Variants in PASD1 observed in about 807,000 individuals in gnomAD.
The protein encoded by PASD1 is circadian clock protein PASD1.
A neutral mutation model predicts 58.8 loss-of-function variants in PASD1; 13 were observed. The observed-to-expected ratio is 0.22, with a 90% CI of 0.14 to 0.35. The LOEUF (loss-of-function observed/expected upper bound fraction) is 0.35. PASD1 is among the 10% of genes least tolerant of loss of function. PASD1 has a pLI of 1.00. For missense variants in PASD1, 734 were observed against 568.3 expected, an observed-to-expected ratio of 1.29 and a Z score of -2.96; for synonymous variants, 236 against 216.7, an observed-to-expected ratio of 1.09 and a Z score of -0.78.
At chrX:151,601,426 A>G (rs1399889799) in intron 1 of PASD1, 101 bp from the exon 2 acceptor site, 1 of 567,126 alleles carries the variant, frequency 1.8e-6, no homozygotes, top group African/African-American at 2.3e-5. Context: ...TCCTTGAGGG[A>G]AAAGTGTTAC....
chrX:151,608,495 A>G, intron 3 of PASD1, among the ~76,000 whole-genome samples: 1 of 112,004 alleles, frequency 8.9e-6, no homozygotes. Context: ...CCTTTTCACA[A>G]TTTAAGGTGA....
intron 11 of PASD1, among the ~76,000 whole-genome samples, chrX:151,667,378 T>C (rs1299389269): frequency 9.0e-6 from 1 of 111,569 alleles, no homozygotes; most frequent in Non-Finnish European, 1.9e-5. Flanking sequence ...AGAAGCTCTT[T>C]AGTTTAATTA....
chrX:151,658,589 T>C (rs950259441), intron 9 of PASD1, among the ~76,000 whole-genome samples: 1 of 112,155 alleles, frequency 8.9e-6, no homozygotes, highest in Admixed American at 9.4e-5. Flanking sequence ...TGAATACCGA[T>C]TCACCATAAT....
At chrX:151,658,993 T>C (rs775504043) in intron 9 of PASD1, among the ~76,000 whole-genome samples, 1 of 111,755 alleles carries the variant, frequency 8.9e-6, no homozygotes, top group East Asian at 2.8e-4. Flanking sequence ...AAAAAGAGCA[T>C]TGGGTTTGGA....
At position 151,671,186 on chromosome X, in the gene PASD1, A is replaced by T; in HGVS notation, c.1220A>T (p.Asp407Val). Residue 407 changes from aspartate to valine, a missense_variant, in exon 12 of 16, where the codon GAT becomes GTT. Transcript: ENST00000370357. ...NQQNALELMMDHLQKQPNTLR... is the reference protein window; with the variant it reads ...NQQNALELMMVHLQKQPNTLR... ...CAGAATGCATTGGAATTGATGATGG[A>T]TCACCTTCAGGTCAGTCAGGATGCT... 5.0e-6 allele frequency: 6 copies of T among 1,211,196 alleles called. No individual in the cohort carries two copies. The highest frequency in any genetic ancestry group is 6.7e-6 in the Non-Finnish European group (6 of 895,258).
chrX:151,660,627 C>T (rs1309527294), intron 10 of PASD1, among the ~76,000 whole-genome samples: 1 of 112,362 alleles, frequency 8.9e-6, no homozygotes, highest in Non-Finnish European at 1.9e-5. Flanking sequence ...ACCTATTTAT[C>T]TGGACCTACC....
intron 9 of PASD1, among the ~76,000 whole-genome samples, chrX:151,649,621 G>C (rs1009951091): frequency 1.3e-4 from 15 of 111,863 alleles, no homozygotes; most frequent in Non-Finnish European, 2.8e-4. Context: ...CTGTCTTGTT[G>C]GTCAGCATAT....
At chrX:151,636,765 T>A (rs2013936422) in intron 8 of PASD1, among the ~76,000 whole-genome samples, 1 of 111,860 alleles carries the variant, frequency 8.9e-6, no homozygotes, top group Non-Finnish European at 1.9e-5. Flanking sequence ...GCAGTAAATT[T>A]TTTTTTTCCT....
chrX:151,671,776 C>G lies in PASD1; in HGVS notation c.1434C>G (p.Asn478Lys). Residue 478 changes from asparagine (N) to lysine (K), a missense_variant, in exon 13 of 16, where the codon AAC becomes AAG. Physicochemically the swap from Asn to Lys is moderately conservative, Grantham distance 94. Transcript: ENST00000370357. ...GELQEPCVAF[N>K]QQQLVQQEQH... is the part of the protein sequence containing the mutation. ...TTCAGGAGCCTTGTGTTGCCTTCAA[C>G]CAGGTATGGAAAGGCTGTTTTAACT... 8.3e-7 allele frequency: 1 copy of G among 1,201,943 alleles called. No homozygotes were observed.
rs192576379 is a variant in PASD1, at chrX:151,647,560, T to G, written c.630-1055T>G. Among the ~76,000 whole-genome samples the G allele has an allele frequency of 1.6e-4, 17 of 109,674 alleles. No homozygotes were observed. In the East Asian group the frequency reaches 4.8e-3, roughly 31 times the overall value. ...AATTAAATATATACTTTTTATATAT[T>G]TTAAACATTCTGTATTCGATATAGT... On this transcript the variant is annotated intron_variant, in intron 8 of 15. Transcript: ENST00000370357.
At chrX:151,610,340 T>C (rs1295681717) in intron 3 of PASD1, among the ~76,000 whole-genome samples, 1 of 111,674 alleles carries the variant, frequency 9.0e-6, no homozygotes. Context: ...ACCTATACAT[T>C]AAGTTTCTAA....
intron 7 of PASD1, among the ~76,000 whole-genome samples, chrX:151,623,955 A>T (rs185105073): frequency 1.8e-3 from 203 of 111,740 alleles, no homozygotes; most frequent in African/African-American, 6.2e-3. Flanking sequence ...CAGGGGACAG[A>T]TTATGTAGAA....
chrX:151,662,874 G>A (rs1168213952), intron 10 of PASD1, among the ~76,000 whole-genome samples: 2 of 112,011 alleles, frequency 1.8e-5, no homozygotes, highest in Non-Finnish European at 3.8e-5. Context: ...TAATTTGTGT[G>A]TGCATTTTTT....
At chrX:151,668,585 C>CG (rs2014417275) in intron 11 of PASD1, among the ~76,000 whole-genome samples, 1 of 111,303 alleles carries the variant, frequency 9.0e-6, no homozygotes, top group Non-Finnish European at 1.9e-5. Flanking sequence ...AACACCTCTA[C>CG]GCAAATAAAC....
intron 4 of PASD1, among the ~76,000 whole-genome samples, chrX:151,620,154 G>C (rs779050650): frequency 8.9e-6 from 1 of 112,193 alleles, no homozygotes; most frequent in African/African-American, 3.2e-5. Flanking sequence ...CATGCATAGA[G>C]TGTGTAATGA....
rs767799945 is a variant in PASD1 at position 151,675,983 on chromosome X, C to G, written c.2176-14C>G. ...CTAGCAAACATTCCACCTTGTTTCA[C>G]TTTTTCCTGGCAGGTGCAAGTTTCT... On this transcript the variant is annotated splice_polypyrimidine_tract_variant and intron_variant, in intron 15 of 15. Coordinates refer to ENST00000370357, the MANE Select transcript of PASD1 (RefSeq NM_173493.3). The G allele has an allele frequency of 3.3e-6, 4 of 1,209,350 alleles. No individual in the cohort carries two copies. Among genetic ancestry groups the G allele is most frequent in the South Asian group, 1.8e-5 (1 of 56,409 alleles).
intron 9 of PASD1, among the ~76,000 whole-genome samples, chrX:151,655,711 T>A (rs1165256195): frequency 5.3e-5 from 6 of 112,163 alleles, no homozygotes; most frequent in Non-Finnish European, 1.1e-4. Flanking sequence ...GTTTGTTTTT[T>A]TCTTGTAAAT....
intron 1 of PASD1, among the ~76,000 whole-genome samples, chrX:151,589,101 G>A: frequency 1.8e-5 from 2 of 111,841 alleles, no homozygotes; most frequent in Middle Eastern, 4.7e-3. Context: ...AGCAAGGACT[G>A]ATCTGATCAC....
chrX:151,672,772 C>T (rs1021275512), intron 14 of PASD1, 111 bp downstream of exon 14: 2 of 1,098,729 alleles, frequency 1.8e-6, no homozygotes, highest in East Asian at 3.2e-5. Flanking sequence ...GCACCAGCGT[C>T]CCTCTCATCA....
Sources: gnomAD v4.1 joint callset for allele counts (sites outside exome capture counted in the v4.1 genomes callset) on GRCh38, gnomAD v4.1.1 for gene constraint, MANE v1.5 for transcripts, NCBI Gene and HGNC (gene_info 2026-07-23, HGNC 2026-07-21) for gene names.